The following TENT4B variants were observed in gnomAD, a reference collection of about 807,000 sequenced individuals.
TENT4B encodes PAP associated domain containing 5.
Under a neutral mutation model 75.0 loss-of-function variants are expected in TENT4B, and 10 were observed. The ratio of observed to expected loss-of-function variants is 0.13; its 90% CI spans 0.08 to 0.23. The LOEUF is 0.23. TENT4B is among the 10% of genes least tolerant of loss of function. TENT4B has a pLI of 1.00. For missense variants in TENT4B, 579 were observed against 893.8 expected (o/e 0.65, Z 4.49); for synonymous variants, 350 against 357.7 (o/e 0.98, Z 0.24).
chr16:50,223,470 G>GA (rs1349807621), intron 7 of TENT4B, 83 bp downstream of exon 7: 1 of 865,530 alleles, frequency 1.2e-6, no homozygotes, highest in Non-Finnish European at 1.7e-6. Flanking sequence ...CTCTTTAGAT[G>GA]AAAAATGAAG....
chr16:50,170,245 T>C (rs1054693603), intron 1 of TENT4B, among the ~76,000 whole-genome samples: 1 of 151,788 alleles, frequency 6.6e-6, no homozygotes, highest in African/African-American at 2.4e-5. Context: ...GGACTTGAAC[T>C]CCTGACCTCA....
intron 10 of TENT4B, among the ~76,000 whole-genome samples, chr16:50,226,014 T>C (rs1301397017): frequency 2.0e-5 from 3 of 151,326 alleles, no homozygotes; most frequent in Non-Finnish European, 4.4e-5. Context: ...CTTTTCTTTT[T>C]TTTGAGACGG....
chr16:50,200,226 C>T (rs528306253), intron 1 of TENT4B, among the ~76,000 whole-genome samples: 9 of 151,844 alleles, frequency 5.9e-5, no homozygotes, highest in East Asian at 1.9e-4. Flanking sequence ...ATTAGCTGGG[C>T]GTGGTCTTAT....
chr16:50,197,078 G>T (rs921677621), intron 1 of TENT4B, among the ~76,000 whole-genome samples: 4 of 151,324 alleles, frequency 2.6e-5, no homozygotes, highest in African/African-American at 9.7e-5. Flanking sequence ...CTGCCTTCCA[G>T]CCTGGGGATG....
intron 1 of TENT4B, among the ~76,000 whole-genome samples, chr16:50,197,448 C>T (rs949444525): frequency 4.6e-5 from 7 of 152,206 alleles, no homozygotes; most frequent in African/African-American, 1.7e-4. Context: ...ACCACCACGC[C>T]TGGGTGATTT....
chr16:50,183,770 C>T (rs2038470809), intron 1 of TENT4B, among the ~76,000 whole-genome samples: 1 of 152,090 alleles, frequency 6.6e-6, no homozygotes, highest in South Asian at 2.1e-4. Flanking sequence ...TTTGGCCAGG[C>T]GCGGTAGCTC....
intron 1 of TENT4B, among the ~76,000 whole-genome samples, chr16:50,160,948 A>G (rs2037992910): frequency 6.6e-6 from 1 of 152,200 alleles, no homozygotes; most frequent in African/African-American, 2.4e-5. Flanking sequence ...AAGGGGCTGT[A>G]GGCCAAAGAT....
At chr16:50,224,862 C>T (rs1596753644) in intron 8 of TENT4B, 29 bp from the exon 9 acceptor site, 1 of 1,611,296 alleles carries the variant, frequency 6.2e-7, no homozygotes, top group South Asian at 1.1e-5. Flanking sequence ...TTATTCCCTC[C>T]CTCTCCCTTT....
chr16:50,193,511 T>C (rs2030001571), intron 1 of TENT4B, among the ~76,000 whole-genome samples: 1 of 151,930 alleles, frequency 6.6e-6, no homozygotes, highest in Non-Finnish European at 1.5e-5. Context: ...CCAATTTTTT[T>C]CTATTTTTAG....
chr16:50,190,331 A>G (rs2038617077), intron 1 of TENT4B, among the ~76,000 whole-genome samples: 1 of 151,956 alleles, frequency 6.6e-6, no homozygotes, highest in Non-Finnish European at 1.5e-5. Context: ...ATAAAACAAC[A>G]TTTACCTTGT....
chr16:50,209,632 G>C (rs1051258652), intron 1 of TENT4B, among the ~76,000 whole-genome samples: 2 of 152,174 alleles, frequency 1.3e-5, no homozygotes, highest in African/African-American at 4.8e-5. Context: ...GAAAGGCCCA[G>C]GTTTTGAAAC....
intron 1 of TENT4B, among the ~76,000 whole-genome samples, chr16:50,161,558 C>G (rs954592400): frequency 6.6e-6 from 1 of 152,130 alleles, no homozygotes; most frequent in Non-Finnish European, 1.5e-5. Context: ...AAAATGGAAG[C>G]CTTTATTACC....
chr16:50,177,283 G>A (rs766796172), intron 1 of TENT4B, among the ~76,000 whole-genome samples: 8 of 152,104 alleles, frequency 5.3e-5, no homozygotes, highest in African/African-American at 1.7e-4. Flanking sequence ...GATTACAGGC[G>A]TGAGTCACTG....
intron 1 of TENT4B, among the ~76,000 whole-genome samples, chr16:50,156,480 G>A (rs1214702464): frequency 2.6e-5 from 4 of 151,964 alleles, no homozygotes; most frequent in African/African-American, 9.7e-5. Flanking sequence ...GAGTAGCTGG[G>A]ATTACAGGCG....
intron 2 of TENT4B, among the ~76,000 whole-genome samples, chr16:50,213,082 TG>T (rs1444094923): frequency 3.3e-5 from 5 of 151,758 alleles, no homozygotes; most frequent in Non-Finnish European, 7.4e-5. Flanking sequence ...TCCCCCGAGA[TG>T]GAGTCTCGCT....
Position 50,235,079 on chromosome 16 carries a change from A to C in TENT4B, c.*5751A>C. ...TGATACAAGTGATTTAAGAAATCTCAACATTTCCTGAGGCCGTATCACTGG... is the reference window on the plus strand; with the variant it reads ...TGATACAAGTGATTTAAGAAATCTCCACATTTCCTGAGGCCGTATCACTGG... On this transcript the variant is annotated 3_prime_UTR_variant, in exon 12 of 12. Coordinates refer to ENST00000561678, the MANE Select transcript of TENT4B (RefSeq NM_001365324.3). 5.1e-6 allele frequency: 5 copies of C among 977,710 alleles called. No individual in the cohort carries two copies. The highest frequency in any genetic ancestry group is 4.7e-5 in the South Asian group (1 of 21,104). 60.6% of individuals were successfully genotyped at this position (977,710 alleles called of 1,614,324 possible). A position where few individuals can be genotyped will look rare whatever the true frequency, so the allele number is the denominator to read the frequency against.
intron 1 of TENT4B, among the ~76,000 whole-genome samples, chr16:50,160,513 G>A (rs991912685): frequency 3.9e-5 from 6 of 152,114 alleles, no homozygotes; most frequent in Admixed American, 2.6e-4. Context: ...TCTGATCCTG[G>A]CATGCCAGAT....
chr16:50,175,676 T>C (rs888870646), intron 1 of TENT4B, among the ~76,000 whole-genome samples: 1 of 152,090 alleles, frequency 6.6e-6, no homozygotes, highest in Non-Finnish European at 1.5e-5. Context: ...TGCACCATGT[T>C]GGCCAGGATG....
Position 50,216,212 on chromosome 16 carries a change from T to A in TENT4B, c.930+17T>A. Reference sequence around the variant, plus strand: ...AAAGCAACTGTAAGTTCTGCAGCATTTCATATTAAAATCCTTAGTTATTTA... The same window carrying A: ...AAAGCAACTGTAAGTTCTGCAGCATATCATATTAAAATCCTTAGTTATTTA... On this transcript the variant is annotated intron_variant, in intron 4 of 11. Coordinates refer to ENST00000561678, the MANE Select transcript of TENT4B (RefSeq NM_001365324.3). The A allele has an allele frequency of 3.1e-6, 5 of 1,613,698 alleles. No homozygotes were observed. Among genetic ancestry groups the A allele is most frequent in the Non-Finnish European group, 4.2e-6 (5 of 1,179,684 alleles).
Sources: gnomAD v4.1 joint callset for allele counts (sites outside exome capture counted in the v4.1 genomes callset) on GRCh38, gnomAD v4.1.1 for gene constraint, MANE v1.5 for transcripts, NCBI Gene and HGNC (gene_info 2026-07-23, HGNC 2026-07-21) for gene names.